The following IGSF1 variants were observed in gnomAD, a reference collection of about 807,000 sequenced individuals.
The protein encoded by IGSF1 is immunoglobulin-like domain-containing protein 1.
A neutral mutation model predicts 95.3 loss-of-function variants in IGSF1; 40 were observed. That is an observed-to-expected ratio of 0.42 (90% CI 0.33 to 0.55). IGSF1 has a LOEUF of 0.55. Among genes scored for constraint, IGSF1 ranks in the 20% least tolerant of loss-of-function variants. The pLI is 0.10. For synonymous variants in IGSF1, 372 were observed against 382.9 expected (o/e 0.97, Z 0.33); for missense variants, 906 against 1,025.4 (o/e 0.88, Z 1.59).
chrX:131,280,508 C>T (rs1490528652), intron 9 of IGSF1, among the ~76,000 whole-genome samples: 1 of 111,990 alleles, frequency 8.9e-6, no homozygotes, highest in Non-Finnish European at 1.9e-5. Context: ...GGTCATTTCT[C>T]TCCTTGTTCC....
At chrX:131,281,157 C>CTGAAGA in intron 9 of IGSF1, 61 bp downstream of exon 9, 1 of 1,173,408 alleles carries the variant, frequency 8.5e-7, no homozygotes, top group Non-Finnish European at 1.2e-6. Context: ...TCAACTAGGG[C>CTGAAGA]ATGACTCATT....
rs779234711 is a variant in IGSF1, at chrX:131,276,070, G to A, written c.2787C>T (p.Leu929=). The part of the protein sequence containing the change: ...SVSGNSADFL[L]HTVGAEDSGN... ...CAGAGTCCTCTGCTCCAACAGTGTGGAGAAGGAAGTCAGCTGAGTTCCCTG... is the reference window on the plus strand; with the variant it reads ...CAGAGTCCTCTGCTCCAACAGTGTGAAGAAGGAAGTCAGCTGAGTTCCCTG... Residue 929 remains leucine, a synonymous_variant, in exon 15 of 20, where the codon CTC becomes CTT. Coordinates refer to ENST00000361420, the MANE Select transcript of IGSF1 (RefSeq NM_001555.5). The A allele has an allele frequency of 3.3e-6, 4 of 1,210,265 alleles. No homozygotes were observed. In the Admixed American group the frequency reaches 8.7e-5, roughly 26 times the overall value.
In IGSF1 at chrX:131,282,610, G is replaced by T; in HGVS notation, c.1080C>A (p.Asp360Glu). 1.7e-6 allele frequency: 2 copies of T among 1,210,718 alleles called. No homozygotes were observed. The highest frequency in any genetic ancestry group is 2.2e-6 in the Non-Finnish European group (2 of 894,822). The change falls in exon 7 of 20, where the codon GAC (aspartate) becomes GAA (glutamate). Residue 360 changes from aspartate (D) to glutamate (E), a missense_variant. This residue lies in a region of IGSF1 where 442 missense variants were observed against 448.1 expected (regional missense o/e 0.99). Transcript: ENST00000361420. ...VGLALYKKGE[D>E]KPLQFLDATS... ...TGGCATCCAAAAATTGAAGTGGTTT[G>T]TCTTCTCCTTTCTTATAGAGTGCAA...
chrX:131,282,867 G>T, intron 6 of IGSF1, 113 bp downstream of exon 6: 1 of 927,252 alleles, frequency 1.1e-6, no homozygotes, highest in Non-Finnish European at 1.5e-6. Context: ...TACAAATTCT[G>T]CTCCCTTCTC....
At chrX:131,285,581 C>T in intron 4 of IGSF1, 115 bp from the exon 5 acceptor site, 3 of 863,454 alleles carry the variant, frequency 3.5e-6, no homozygotes, top group Non-Finnish European at 4.8e-6. Context: ...TGTTTGCCAC[C>T]CCTCCTTCTC....
chrX:131,279,044 C>G (rs1475404333), intron 11 of IGSF1, 99 bp downstream of exon 11: 1 of 921,935 alleles, frequency 1.1e-6, no homozygotes, highest in Non-Finnish European at 1.6e-6. Context: ...GCTGCCCTTC[C>G]CTCCCAACCA....
In IGSF1 at chrX:131,274,144, C is replaced by T. The variant is rs1302490525; in HGVS notation, c.3814G>A (p.Val1272Ile). The change falls in exon 19 of 20, where the codon GTT (valine) becomes ATT (isoleucine). Residue 1272 changes from valine (V) to isoleucine (I), a missense_variant. Around this residue, in one of 5 missense-constraint regions of IGSF1, gnomAD observed 411 missense variants for 494.9 expected, o/e 0.83. Coordinates refer to ENST00000361420, the MANE Select transcript of IGSF1 (RefSeq NM_001555.5). The stretch of plus-strand genomic sequence containing the variant: ...GCTAGCACTACCCCCAAGGCTACAA[C>T]AACCACCACGATTAGGCTACTTCGG... ...IVRSSLIVVV[V>I]VALGVVLAIE... 4 of 1,211,543 alleles carry T rather than the reference C, an allele frequency of 3.3e-6. No individual in the cohort carries two copies. The highest frequency in any genetic ancestry group is 3.0e-5 in the East Asian group (1 of 33,839).
rs766304273 is a variant in IGSF1 at position 131,285,851 on chromosome X, A to G, written c.295T>C (p.Ser99Pro). 1 of 1,210,067 alleles carries G rather than the reference A, an allele frequency of 8.3e-7. No individual in the cohort carries two copies. Among genetic ancestry groups the G allele is most frequent in the Non-Finnish European group, 1.1e-6 (1 of 894,408 alleles). ...CAGCACCGGTAAAGACCTGCATTGG[A>G]CTCAGTAAGGGCACCTATAAGGAAT... ...VSFLIGALTESNAGLYRCCYW... is the reference protein window; with the variant it reads ...VSFLIGALTEPNAGLYRCCYW... Residue 99 changes from serine to proline, a missense_variant, in exon 4 of 20, where the codon TCC (serine) becomes CCC (proline). Physicochemically the swap from Ser to Pro is moderately conservative, Grantham distance 74. This residue lies in a region of IGSF1 where 442 missense variants were observed against 448.1 expected (regional missense o/e 0.99). Transcript: ENST00000361420.
Position 131,273,739 on chromosome X carries a change from T to C in IGSF1, c.*57A>G. The C allele has an allele frequency of 1.7e-5, 19 of 1,129,843 alleles. No individual in the cohort carries two copies. The highest frequency in any genetic ancestry group is 2.3e-5 in the Non-Finnish European group (19 of 835,982). 93.1% of individuals were successfully genotyped at this position (1,129,843 alleles called of 1,213,427 possible). On this transcript the variant is annotated 3_prime_UTR_variant, in exon 20 of 20. Coordinates refer to ENST00000361420, the MANE Select transcript of IGSF1 (RefSeq NM_001555.5). ...GACTTGCAGGGTAACTGGTTGGATT[T>C]ATAGGTCTCTGAGAGCAAGAGAGAG...
rs746170859 is a variant in IGSF1, at chrX:131,283,183, C to G, written c.749G>C (p.Gly250Ala). The change falls in exon 6 of 20, where the codon GGG becomes GCG. Residue 250 changes from glycine to alanine, a missense_variant. Coordinates refer to ENST00000361420, the MANE Select transcript of IGSF1 (RefSeq NM_001555.5). Reference protein sequence around the residue: ...PGESLNLRCQGPIYGMTFALM... With the variant: ...PGESLNLRCQAPIYGMTFALM... Reference sequence around the variant, plus strand: ...AGCAAAGGTCATTCCATAGATTGGCCCTTGGCACCTGAGATTCAGGCTTTC... The same window carrying G: ...AGCAAAGGTCATTCCATAGATTGGCGCTTGGCACCTGAGATTCAGGCTTTC... The G allele has an allele frequency of 2.5e-6, 3 of 1,208,272 alleles. No homozygotes were observed. Among genetic ancestry groups the G allele is most frequent in the Non-Finnish European group, 3.4e-6 (3 of 893,396 alleles).
chrX:131,287,355 C>T (rs1406367852), intron 1 of IGSF1, among the ~76,000 whole-genome samples: 1 of 109,667 alleles, frequency 9.1e-6, no homozygotes, highest in Non-Finnish European at 1.9e-5. Flanking sequence ...AACTCCAAGG[C>T]CTATGGATCT....
chrX:131,275,687 C>T lies in IGSF1; in HGVS notation c.2975G>A (p.Arg992Gln), dbSNP rs2080464783. 1.7e-6 allele frequency: 2 copies of T among 1,209,066 alleles called. No individual in the cohort carries two copies. The highest frequency in any genetic ancestry group is 1.1e-6 in the Non-Finnish European group (1 of 894,415). The change falls in exon 16 of 20, where the codon CGA (arginine) becomes CAA (glutamine). Residue 992 changes from arginine (R) to glutamine (Q), a missense_variant. Arg to Gln is a conservative substitution (Grantham distance 43). Transcript: ENST00000361420. ...PMGQNVTLWC[R>Q]GPVHGVGYIL... ...GTATCCTACTCCATGGACCGGCCCTCGGCACCAGAGAGTAACATTCTGCCC... is the reference window on the plus strand; with the variant it reads ...GTATCCTACTCCATGGACCGGCCCTTGGCACCAGAGAGTAACATTCTGCCC...
chrX:131,285,150 C>T (rs754179335), intron 5 of IGSF1, 29 bp downstream of exon 5: 3 of 1,145,301 alleles, frequency 2.6e-6, no homozygotes, highest in Non-Finnish European at 3.5e-6. Context: ...CAACAATTGC[C>T]AGATGCCAGC....
intron 18 of IGSF1, 25 bp downstream of exon 18, chrX:131,274,574 G>T: frequency 8.4e-7 from 1 of 1,194,740 alleles, no homozygotes; most frequent in East Asian, 3.0e-5. Context: ...GTCACACCAG[G>T]ACCATGGAGA....
At chrX:131,284,207 G>T in intron 5 of IGSF1, 1 of 345,164 alleles carries the variant, frequency 2.9e-6, no homozygotes, top group Non-Finnish European at 3.8e-6. Flanking sequence ...GCCAGGCACT[G>T]TACATATATA....
Position 131,282,564 on chromosome X carries a change from A to G in IGSF1, c.1126T>C (p.Ser376Pro). Residue 376 changes from serine to proline, a missense_variant, in exon 7 of 20, where the codon TCA (serine) becomes CCA (proline). Physicochemically the swap from Ser to Pro is moderately conservative, Grantham distance 74. Transcript: ENST00000361420. ...TAGGTTACATTGTTGAGGAAGAATGATGTGTTGTCATCGATGCTGGTGGCA... is the reference window on the plus strand; with the variant it reads ...TAGGTTACATTGTTGAGGAAGAATGGTGTGTTGTCATCGATGCTGGTGGCA... ...LDATSIDDNT[S>P]FFLNNVTYSD... 8.3e-7 allele frequency: 1 copy of G among 1,210,157 alleles called. No homozygotes were observed. The highest frequency in any genetic ancestry group is 1.1e-6 in the Non-Finnish European group (1 of 894,274).
At chrX:131,281,098 C>G (rs1335450071) in intron 9 of IGSF1, 120 bp downstream of exon 9, 1 of 820,357 alleles carries the variant, frequency 1.2e-6, no homozygotes, top group African/African-American at 2.1e-5. Context: ...GTCTTGTTCC[C>G]TAAGCCCAGA....
At chrX:131,280,887 C>A in intron 9 of IGSF1, 1 of 174,042 alleles carries the variant, frequency 5.7e-6, no homozygotes, top group East Asian at 1.4e-4. Context: ...GAGGAAAAAT[C>A]CAGAACAAGT....
intron 1 of IGSF1, among the ~76,000 whole-genome samples, chrX:131,287,177 G>GTATATATATA (rs58556447): frequency 1.0e-5 from 1 of 98,190 alleles, no homozygotes; most frequent in African/African-American, 3.7e-5. Context: ...GTGTGTGTGT[G>GTATATATATA]TATATATATA....
Sources: gnomAD v4.1 joint callset for allele counts (sites outside exome capture counted in the v4.1 genomes callset) on GRCh38, gnomAD v4.1.1 for gene constraint, gnomAD v4.1.1 regional missense constraint, MANE v1.5 for transcripts, NCBI Gene and HGNC (gene_info 2026-07-23, HGNC 2026-07-21) for gene names.